Variants in RBM33 observed in about 807,000 individuals in gnomAD.
The protein encoded by RBM33 is RNA binding motif protein 33.
Under a neutral mutation model 132.6 loss-of-function variants are expected in RBM33, and 28 were observed. The observed-to-expected ratio is 0.21, with a 90% CI of 0.16 to 0.29. The LOEUF is 0.29. Among genes scored for constraint, RBM33 ranks in the 10% least tolerant of loss-of-function variants. RBM33 has a pLI of 1.00. For missense variants in RBM33, 1,291 were observed against 1,518.5 expected (o/e 0.85, Z 2.49); for synonymous variants, 634 against 593.0 (o/e 1.07, Z -1.01).
intron 15 of RBM33, among the ~76,000 whole-genome samples, chr7:155,764,930 A>G (rs1007994561): frequency 1.3e-5 from 2 of 152,230 alleles, no homozygotes; most frequent in Admixed American, 1.3e-4. Flanking sequence ...ACAAAATTCC[A>G]TTTTGTACTA....
At chr7:155,735,251 A>G (rs757609493) in intron 9 of RBM33, among the ~76,000 whole-genome samples, 12 of 152,222 alleles carry the variant, frequency 7.9e-5, no homozygotes, top group Non-Finnish European at 1.6e-4. Flanking sequence ...AAGAGATGAA[A>G]ATATTTTTAA....
chr7:155,774,498 A>G lies in RBM33; in HGVS notation c.3376-61A>G, dbSNP rs1802540305. The stretch of plus-strand genomic sequence containing the variant: ...TAAAACTAATAATGCTTAAATATAT[A>G]TATTCATATTTTTTATTGTCATTTA... On this transcript the variant is annotated intron_variant, in intron 16 of 17. Transcript: ENST00000401878. This position sits in a 1 kb window ranked among gnomAD's most constrained non-coding sequence, Gnocchi z 4.2. The G allele has an allele frequency of 2.6e-6, 3 of 1,159,734 alleles. No individual in the cohort carries two copies. Among genetic ancestry groups the G allele is most frequent in the Admixed American group, 1.7e-5 (1 of 58,116 alleles). 71.8% of individuals were successfully genotyped at this position (1,159,734 alleles called of 1,614,324 possible). A position where few individuals can be genotyped will look rare whatever the true frequency, so the allele number is the denominator to read the frequency against.
intron 8 of RBM33, among the ~76,000 whole-genome samples, chr7:155,713,373 T>G (rs754839001): frequency 6.6e-6 from 1 of 151,680 alleles, no homozygotes; most frequent in Non-Finnish European, 1.5e-5. Context: ...AGTCTGTGTG[T>G]GGGGAGACCA....
intron 3 of RBM33, among the ~76,000 whole-genome samples, chr7:155,674,362 A>G (rs1340103633): frequency 6.6e-6 from 1 of 151,574 alleles, no homozygotes; most frequent in East Asian, 1.9e-4. Context: ...TATTTTGCAT[A>G]CTCTTCTAGG....
At chr7:155,685,867 A>G (rs919091135) in intron 5 of RBM33, among the ~76,000 whole-genome samples, 23 of 152,190 alleles carry the variant, frequency 1.5e-4, no homozygotes, top group Admixed American at 7.2e-4. Context: ...GGCTTAGGCC[A>G]TTTACTTTAG....
chr7:155,673,413 T>TGGGG (rs1282076945), intron 3 of RBM33, among the ~76,000 whole-genome samples: 2 of 29,146 alleles, frequency 6.9e-5, no homozygotes, highest in African/African-American at 1.2e-4. Context: ...TGTGTGTGTG[T>TGGGG]GTGTGTGTGT....
At chr7:155,712,409 A>G (rs1263666674) in intron 8 of RBM33, among the ~76,000 whole-genome samples, 1 of 152,248 alleles carries the variant, frequency 6.6e-6, no homozygotes, top group East Asian at 1.9e-4. Context: ...TTGACGAACA[A>G]ACCAGACAAA....
chr7:155,761,564 C>G (rs146215318), intron 14 of RBM33, among the ~76,000 whole-genome samples: 1 of 152,168 alleles, frequency 6.6e-6, no homozygotes, highest in East Asian at 1.9e-4. Flanking sequence ...TGTAAATTGT[C>G]TAGTGTGTTG....
chr7:155,718,512 C>A, intron 9 of RBM33, 69 bp downstream of exon 9: 4 of 1,286,858 alleles, frequency 3.1e-6, no homozygotes, highest in Non-Finnish European at 3.4e-6. Context: ...ATTAATATAG[C>A]AAGTGCAAGA....
chr7:155,718,571 C>A, intron 9 of RBM33, 128 bp downstream of exon 9: 1 of 737,236 alleles, frequency 1.4e-6, no homozygotes, highest in Non-Finnish European at 2.3e-6. Context: ...TGACAATAAT[C>A]TCTGCAATAG....
At chr7:155,672,939 G>T in intron 3 of RBM33, 24 bp downstream of exon 3, 1 of 1,468,292 alleles carries the variant, frequency 6.8e-7, no homozygotes, top group Non-Finnish European at 9.3e-7. Context: ...GTCCTTCTGA[G>T]ATGAAATACT....
At chr7:155,645,777 T>C (rs182495289) in intron 1 of RBM33, among the ~76,000 whole-genome samples, 30 of 152,362 alleles carry the variant, frequency 2.0e-4, no homozygotes, top group Middle Eastern at 6.8e-3. Context: ...GGATTAGTTC[T>C]TACCATTGAA....
At chr7:155,770,554 ATTT>A (rs1563184782) in intron 16 of RBM33, among the ~76,000 whole-genome samples, 1 of 145,362 alleles carries the variant, frequency 6.9e-6, no homozygotes, top group African/African-American at 2.5e-5. Context: ...AATTGGGCCT[ATTT>A]TAAGCAGTTT....
At chr7:155,751,199 A>G (rs1016889780) in intron 14 of RBM33, among the ~76,000 whole-genome samples, 3 of 152,200 alleles carry the variant, frequency 2.0e-5, no homozygotes, top group Non-Finnish European at 1.5e-5. Flanking sequence ...TACGTTCTTT[A>G]TCAGATTCAC....
intron 2 of RBM33, among the ~76,000 whole-genome samples, chr7:155,669,054 C>T (rs942453798): frequency 2.6e-5 from 4 of 152,070 alleles, no homozygotes; most frequent in African/African-American, 9.7e-5. Context: ...CTTTTTTTTA[C>T]TGTCTTCAGT....
intron 9 of RBM33, among the ~76,000 whole-genome samples, chr7:155,728,091 G>T (rs550463881): frequency 5.3e-5 from 8 of 152,138 alleles, no homozygotes; most frequent in Non-Finnish European, 1.2e-4. Context: ...TTTCACTCTG[G>T]TATATTTCAC....
intron 1 of RBM33, among the ~76,000 whole-genome samples, chr7:155,661,515 C>T (rs1798650112): frequency 6.6e-6 from 1 of 151,212 alleles, no homozygotes; most frequent in Admixed American, 6.6e-5. Flanking sequence ...TCAAGCAATT[C>T]TCTTGGCTCA....
chr7:155,648,058 A>G (rs180896171), intron 1 of RBM33, among the ~76,000 whole-genome samples: 25 of 152,304 alleles, frequency 1.6e-4, no homozygotes, highest in African/African-American at 6.0e-4. Context: ...GTGAGGTGAA[A>G]AAATGGGTGC....
chr7:155,671,031 G>C (rs1169335429), intron 2 of RBM33, among the ~76,000 whole-genome samples: 7 of 152,144 alleles, frequency 4.6e-5, no homozygotes, highest in Non-Finnish European at 8.8e-5. Context: ...CTGGGAAACT[G>C]GCATCACATT....
Sources: gnomAD v4.1 joint callset for allele counts (sites outside exome capture counted in the v4.1 genomes callset) on GRCh38, gnomAD v4.1.1 for gene constraint, Gnocchi (gnomAD v3.1) non-coding constraint, MANE v1.5 for transcripts, NCBI Gene and HGNC (gene_info 2026-07-23, HGNC 2026-07-21) for gene names.